BRINP3: variants seen among roughly 807,000 people sequenced by gnomAD.
BRINP3 encodes BMP/retinoic acid inducible neural specific 3, also known as BMP/retinoic acid-inducible neural-specific protein 3.
Under a neutral mutation model 71.0 loss-of-function variants are expected in BRINP3, and 19 were observed. That is an observed-to-expected ratio of 0.27 (90% CI 0.19 to 0.39). BRINP3 has a LOEUF of 0.39. Ranked by LOEUF, BRINP3 falls within the 10% of genes least tolerant of loss-of-function variation. The pLI, the probability that BRINP3 is intolerant of heterozygous loss-of-function variation, is 1.00. For missense variants in BRINP3, 959 were observed against 940.8 expected (o/e 1.02, Z -0.25); for synonymous variants, 380 against 337.7 (o/e 1.13, Z -1.37).
Position 190,454,747 on chromosome 1 carries a change from G to C in BRINP3, c.144C>G (p.Leu48=). Residue 48 remains leucine, a synonymous_variant, in exon 2 of 8, where the codon CTC becomes CTG. Transcript: ENST00000367462. The part of the protein sequence containing the change: ...QHATSPFDWL[L]SDKGPFHRSQ... ...AGCGATGGAAGGGTCCCTTATCAGA[G>C]AGGAGCCAGTCGAAGGGGCTTGTGG... 1 of 1,614,132 alleles carries C rather than the reference G, an allele frequency of 6.2e-7. No individual in the cohort carries two copies. Among genetic ancestry groups the C allele is most frequent in the Non-Finnish European group, 8.5e-7 (1 of 1,180,024 alleles).
intron 2 of BRINP3, among the ~76,000 whole-genome samples, chr1:190,437,751 T>C (rs746753028): frequency 4.0e-5 from 6 of 151,782 alleles, no homozygotes; most frequent in Admixed American, 1.3e-4. Flanking sequence ...TTGGTATATA[T>C]TTTAACTGTT....
chr1:190,372,541 A>T (rs971410517), intron 2 of BRINP3, among the ~76,000 whole-genome samples: 1 of 152,142 alleles, frequency 6.6e-6, no homozygotes, highest in African/African-American at 2.4e-5. Context: ...ATAAATAAGA[A>T]AGTGCCTCTG....
At chr1:190,255,533 T>C (rs1660583439) in intron 4 of BRINP3, among the ~76,000 whole-genome samples, 2 of 152,256 alleles carry the variant, frequency 1.3e-5, no homozygotes, top group African/African-American at 4.8e-5. Context: ...GTCCAGGAAT[T>C]TGTCTATTTC....
chr1:190,459,464 T>A (rs949055985), intron 1 of BRINP3, among the ~76,000 whole-genome samples: 9 of 151,958 alleles, frequency 5.9e-5, no homozygotes, highest in African/African-American at 2.2e-4. Context: ...ACTATAACAG[T>A]AAAAGTGAAT....
At chr1:190,225,555 C>A (rs112849273) in intron 6 of BRINP3, among the ~76,000 whole-genome samples, 32 of 151,786 alleles carry the variant, frequency 2.1e-4, no homozygotes, top group Middle Eastern at 3.4e-3. Flanking sequence ...GCTTAAAAAT[C>A]GCAAAGATAG....
At chr1:190,336,252 T>G (rs1667275059) in intron 2 of BRINP3, among the ~76,000 whole-genome samples, 1 of 152,056 alleles carries the variant, frequency 6.6e-6, no homozygotes, top group Non-Finnish European at 1.5e-5. Context: ...TGCCTTGAGA[T>G]ACTTGGAAGA....
At chr1:190,439,546 T>C (rs974468314) in intron 2 of BRINP3, among the ~76,000 whole-genome samples, 2 of 151,870 alleles carry the variant, frequency 1.3e-5, no homozygotes, top group Non-Finnish European at 2.9e-5. Flanking sequence ...TGTGTGTGTA[T>C]GTGTATGGGT....
chr1:190,213,525 T>C (rs1328007534), intron 6 of BRINP3, among the ~76,000 whole-genome samples: 1 of 152,082 alleles, frequency 6.6e-6, no homozygotes, highest in Non-Finnish European at 1.5e-5. Flanking sequence ...AAGAGGCAAC[T>C]GCTTCTCAAC....
intron 4 of BRINP3, among the ~76,000 whole-genome samples, chr1:190,237,162 A>G (rs77788465): frequency 2.6e-5 from 4 of 151,978 alleles, no homozygotes; most frequent in Non-Finnish European, 4.4e-5. Context: ...ATCATTCGCA[A>G]TATACAATGA....
intron 2 of BRINP3, among the ~76,000 whole-genome samples, chr1:190,438,086 A>G (rs1674583671): frequency 6.6e-6 from 1 of 151,288 alleles, no homozygotes; most frequent in South Asian, 2.1e-4. Context: ...AATCTCTAAA[A>G]TATCTTCCCA....
chr1:190,166,575 C>T (rs530331544), intron 6 of BRINP3, among the ~76,000 whole-genome samples: 1 of 152,094 alleles, frequency 6.6e-6, no homozygotes, highest in Non-Finnish European at 1.5e-5. Flanking sequence ...AGATTTTGAT[C>T]TTAAGTTGTT....
chr1:190,226,282 C>T lies in BRINP3; in HGVS notation c.761G>A (p.Arg254His), dbSNP rs528421572. ...QVLLPDYLQE[R>H]FVQAALSYIA... is the part of the protein sequence containing the mutation. ...GTAGCTCAAAGCTGCTTGTACAAAACGTTCCTGAAGATAGTCTGGGAGAAG... is the reference window on the plus strand; with the variant it reads ...GTAGCTCAAAGCTGCTTGTACAAAATGTTCCTGAAGATAGTCTGGGAGAAG... Residue 254 changes from arginine (R) to histidine (H), a missense_variant, in exon 6 of 8, where the codon CGT becomes CAT. By Grantham distance (29) the Arg-to-His change is conservative. Coordinates refer to ENST00000367462, the MANE Select transcript of BRINP3 (RefSeq NM_199051.3). 233 of 1,608,810 alleles carry T rather than the reference C, an allele frequency of 1.4e-4. No homozygotes were observed. The East Asian group carries it at 4.2e-3, about 29-fold the overall frequency.
intron 2 of BRINP3, among the ~76,000 whole-genome samples, chr1:190,307,187 A>T (rs1665163512): frequency 6.6e-6 from 1 of 151,428 alleles, no homozygotes; most frequent in Non-Finnish European, 1.5e-5. Context: ...ATTAAAACAT[A>T]CAATATTTAT....
intron 3 of BRINP3, among the ~76,000 whole-genome samples, chr1:190,268,966 G>A (rs1434638334): frequency 6.6e-6 from 1 of 151,912 alleles, no homozygotes; most frequent in Non-Finnish European, 1.5e-5. Flanking sequence ...CTGGAAGTAG[G>A]AAAATTAGTC....
chr1:190,422,489 A>G (rs1673449981), intron 2 of BRINP3, among the ~76,000 whole-genome samples: 1 of 151,854 alleles, frequency 6.6e-6, no homozygotes, highest in South Asian at 2.1e-4. Context: ...CACCTGCTCT[A>G]GGGAAGTCAA....
chr1:190,241,243 A>T (rs530346541), intron 4 of BRINP3, among the ~76,000 whole-genome samples: 1 of 152,250 alleles, frequency 6.6e-6, no homozygotes, highest in African/African-American at 2.4e-5. Flanking sequence ...AGAAGTTTGA[A>T]ATCATCTAGT....
At chr1:190,141,680 C>A (rs1470425221) in intron 7 of BRINP3, among the ~76,000 whole-genome samples, 1 of 151,202 alleles carries the variant, frequency 6.6e-6, no homozygotes, top group African/African-American at 2.4e-5. Context: ...CCTGCCTCAG[C>A]CTCCTAAGTA....
chr1:190,425,471 AT>A (rs1483471145), intron 2 of BRINP3, among the ~76,000 whole-genome samples: 2 of 151,758 alleles, frequency 1.3e-5, no homozygotes, highest in Non-Finnish European at 3.0e-5. Flanking sequence ...TATTTCAACA[AT>A]GGAGAAAGCT....
intron 6 of BRINP3, among the ~76,000 whole-genome samples, chr1:190,221,546 C>A (rs1656895772): frequency 6.6e-6 from 1 of 152,026 alleles, no homozygotes; most frequent in East Asian, 1.9e-4. Flanking sequence ...CACAAAATGG[C>A]AGTAGTGTGC....
Sources: gnomAD v4.1 joint callset for allele counts (sites outside exome capture counted in the v4.1 genomes callset) on GRCh38, gnomAD v4.1.1 for gene constraint, MANE v1.5 for transcripts, NCBI Gene and HGNC (gene_info 2026-07-23, HGNC 2026-07-21) for gene names.